Variants in LRP1B observed in about 807,000 individuals in gnomAD.
The protein encoded by LRP1B is LDL receptor related protein 1B.
A neutral mutation model predicts 556.6 loss-of-function variants in LRP1B; 217 were observed. The ratio of observed to expected loss-of-function variants is 0.39; its 90% CI spans 0.35 to 0.44. LRP1B has a LOEUF of 0.44. LRP1B is among the 20% of genes least tolerant of loss of function. LRP1B has a pLI of 1.00. For missense variants in LRP1B, 5,053 were observed against 5,620.8 expected (o/e 0.90, Z 3.23); for synonymous variants, 2,047 against 1,865.8 (o/e 1.10, Z -2.50).
In LRP1B at chr2:141,221,551, T is replaced by A. The variant is rs1246922838; in HGVS notation, c.850+7632A>T. Among the ~76,000 whole-genome samples, 7 of 152,152 alleles carry A rather than the reference T, an allele frequency of 4.6e-5. No individual in the cohort carries two copies. In the East Asian group the frequency reaches 1.3e-3, roughly 29 times the overall value. ...AGATAAAACAAAGACATTCATGACA[T>A]GAACTCAGCTTTTGAACAAGTGTAC... On this transcript the variant is annotated intron_variant, in intron 6 of 90. Transcript: ENST00000389484.
chr2:141,807,098 G>C (rs1008830), intron 2 of LRP1B, among the ~76,000 whole-genome samples: 2 of 151,844 alleles, frequency 1.3e-5, no homozygotes, highest in South Asian at 4.1e-4. Context: ...CTTTCATATC[G>C]AATGTATACA....
At chr2:142,072,798 T>C (rs932940244) in intron 1 of LRP1B, among the ~76,000 whole-genome samples, 2 of 152,042 alleles carry the variant, frequency 1.3e-5, no homozygotes, top group Non-Finnish European at 2.9e-5. Flanking sequence ...TCTGGCATAG[T>C]GGGTATGTAT....
chr2:141,474,242 A>T (rs956859227), intron 3 of LRP1B, among the ~76,000 whole-genome samples: 3 of 152,056 alleles, frequency 2.0e-5, no homozygotes, highest in South Asian at 4.1e-4. Flanking sequence ...GGAGTTCTGT[A>T]AAACCTCTAG....
chr2:141,974,524 T>C (rs1368861303), intron 1 of LRP1B, among the ~76,000 whole-genome samples: 1 of 151,998 alleles, frequency 6.6e-6, no homozygotes, highest in Non-Finnish European at 1.5e-5. Context: ...CTAAGAACAT[T>C]AGTATGGTAG....
chr2:141,264,834 C>T (rs1270761346), intron 3 of LRP1B, among the ~76,000 whole-genome samples: 1 of 152,146 alleles, frequency 6.6e-6, no homozygotes, highest in East Asian at 1.9e-4. Context: ...AGGCCATTTG[C>T]TTTTTTCCTA....
chr2:142,056,772 A>G (rs182941047), intron 1 of LRP1B, among the ~76,000 whole-genome samples: 1 of 152,246 alleles, frequency 6.6e-6, no homozygotes, highest in Non-Finnish European at 1.5e-5. Context: ...TTTAATAAAA[A>G]TTAATATGAG....
At chr2:140,685,572 A>G (rs1406172618) in intron 41 of LRP1B, among the ~76,000 whole-genome samples, 1 of 152,162 alleles carries the variant, frequency 6.6e-6, no homozygotes, top group Non-Finnish European at 1.5e-5. Flanking sequence ...AATATTCTGT[A>G]GTTAAAACTT....
At chr2:141,261,839 G>C (rs577805418) in intron 3 of LRP1B, among the ~76,000 whole-genome samples, 2 of 152,044 alleles carry the variant, frequency 1.3e-5, no homozygotes, top group South Asian at 2.1e-4. Flanking sequence ...TATGCATTAA[G>C]TCTCTATAAA....
intron 2 of LRP1B, among the ~76,000 whole-genome samples, chr2:141,735,347 C>A (rs1400097515): frequency 6.6e-6 from 1 of 151,700 alleles, no homozygotes; most frequent in East Asian, 1.9e-4. Context: ...AGGGAAGACC[C>A]TAAAGGGGGA....
At chr2:142,021,495 T>A (rs1484007243) in intron 1 of LRP1B, among the ~76,000 whole-genome samples, 5 of 152,166 alleles carry the variant, frequency 3.3e-5, no homozygotes, top group African/African-American at 1.2e-4. Flanking sequence ...TTGATGCTAA[T>A]AAACTGTGTA....
At chr2:141,157,889 T>G (rs369649792) in intron 7 of LRP1B, among the ~76,000 whole-genome samples, 15 of 152,136 alleles carry the variant, frequency 9.9e-5, no homozygotes, top group Non-Finnish European at 1.6e-4. Context: ...TTAGGCAGAG[T>G]TCAGCAACCA....
chr2:140,712,911 C>A (rs13010697), intron 37 of LRP1B, among the ~76,000 whole-genome samples: 29,307 of 151,876 alleles, frequency 0.19, 3,070 homozygotes, highest in African/African-American at 0.27. Context: ...ATTTCCAAAG[C>A]CTCAAATGGC....
At chr2:141,942,186 C>G (rs1700827951) in intron 1 of LRP1B, among the ~76,000 whole-genome samples, 4 of 152,046 alleles carry the variant, frequency 2.6e-5, no homozygotes. Context: ...CTCTCCTCAA[C>G]CAACCTCCTC....
intron 21 of LRP1B, among the ~76,000 whole-genome samples, chr2:140,909,323 A>C (rs1209460259): frequency 6.6e-6 from 1 of 152,178 alleles, no homozygotes; most frequent in East Asian, 1.9e-4. Flanking sequence ...CATTGTATAT[A>C]TCCAAAAGTC....
intron 3 of LRP1B, among the ~76,000 whole-genome samples, chr2:141,339,881 A>C (rs2714227): frequency 6.6e-6 from 1 of 151,514 alleles, no homozygotes; most frequent in Non-Finnish European, 1.5e-5. Context: ...ACTCATCACC[A>C]GATCAGTGAA....
chr2:140,944,761 G>GA (rs1695494532), intron 20 of LRP1B, among the ~76,000 whole-genome samples: 1 of 151,918 alleles, frequency 6.6e-6, no homozygotes, highest in South Asian at 2.1e-4. Flanking sequence ...GAATATTTGT[G>GA]AAAATAATAA....
intron 1 of LRP1B, among the ~76,000 whole-genome samples, chr2:142,055,338 A>T (rs1704629955): frequency 6.6e-6 from 1 of 152,200 alleles, no homozygotes; most frequent in Non-Finnish European, 1.5e-5. Context: ...ATTTGAGGAT[A>T]ACAGGGTAAT....
chr2:141,157,582 T>C (rs1485772608), intron 7 of LRP1B, among the ~76,000 whole-genome samples: 1 of 152,122 alleles, frequency 6.6e-6, no homozygotes, highest in Non-Finnish European at 1.5e-5. Flanking sequence ...ATGTAGATTT[T>C]CCTACAGTTC....
intron 7 of LRP1B, among the ~76,000 whole-genome samples, chr2:141,179,859 C>G (rs1680913690): frequency 6.9e-6 from 1 of 145,160 alleles, no homozygotes; most frequent in African/African-American, 2.5e-5. Flanking sequence ...CAGAATGAAT[C>G]ATAACAACAC....
Sources: gnomAD v4.1 joint callset for allele counts (sites outside exome capture counted in the v4.1 genomes callset) on GRCh38, gnomAD v4.1.1 for gene constraint, MANE v1.5 for transcripts, NCBI Gene and HGNC (gene_info 2026-07-23, HGNC 2026-07-21) for gene names.